MALRD1: variants seen among roughly 807,000 people sequenced by gnomAD.
MALRD1 encodes MAM and LDL receptor class A domain containing 1, also known as MAM and LDL-receptor class A domain-containing protein 1.
In MALRD1, 247 loss-of-function variants were observed where a neutral mutation model predicts 242.1. That is an observed-to-expected ratio of 1.02 (90% CI 0.92 to 1.13). The LOEUF (loss-of-function observed/expected upper bound fraction) is 1.13. MALRD1 is among the 50% of genes most tolerant of loss of function. MALRD1 has a pLI of 0.00. For synonymous variants in MALRD1, 995 were observed against 866.6 expected (o/e 1.15, Z -2.60); for missense variants, 2,989 against 2,533.1 (o/e 1.18, Z -3.86).
chr10:19,599,336 GT>G (rs1838246730), intron 34 of MALRD1, among the ~76,000 whole-genome samples: 1 of 151,940 alleles, frequency 6.6e-6, no homozygotes, highest in Non-Finnish European at 1.5e-5. Flanking sequence ...TGAGTTCAAC[GT>G]TTAAGAACAC....
At chr10:19,526,887 T>A (rs1485781213) in intron 31 of MALRD1, among the ~76,000 whole-genome samples, 2 of 152,166 alleles carry the variant, frequency 1.3e-5, no homozygotes, top group African/African-American at 2.4e-5. Context: ...TAAGCTGGTT[T>A]TAGTAGTTGC....
At chr10:19,385,805 CAAAT>C (rs1045337502) in intron 26 of MALRD1, among the ~76,000 whole-genome samples, 7 of 151,920 alleles carry the variant, frequency 4.6e-5, no homozygotes, top group African/African-American at 1.7e-4. Flanking sequence ...AGTTTTCTGT[CAAAT>C]AAAGTTAGGA....
chr10:19,584,154 G>GAACAAAA (rs1328395544), intron 33 of MALRD1, among the ~76,000 whole-genome samples: 1 of 150,684 alleles, frequency 6.6e-6, no homozygotes, highest in Non-Finnish European at 1.5e-5. Context: ...TATCAATTTT[G>GAACAAAA]TTGATCCTTT....
chr10:19,208,743 T>C (rs1250751023), intron 17 of MALRD1, among the ~76,000 whole-genome samples: 1 of 152,220 alleles, frequency 6.6e-6, no homozygotes, highest in Non-Finnish European at 1.5e-5. Context: ...TCTTAACACA[T>C]GATTGTTCCC....
At chr10:19,393,783 A>G (rs1028275981) in intron 28 of MALRD1, among the ~76,000 whole-genome samples, 6 of 150,320 alleles carry the variant, frequency 4.0e-5, no homozygotes, top group Admixed American at 1.3e-4. Context: ...GATGAGTAAT[A>G]TGTATACATG....
intron 18 of MALRD1, among the ~76,000 whole-genome samples, chr10:19,237,683 T>A (rs1175324781): frequency 2.5e-5 from 3 of 120,442 alleles, no homozygotes; most frequent in South Asian, 2.3e-4. Flanking sequence ...TTATATATAA[T>A]TTATATATAA....
At chr10:19,470,245 G>GGTATTAGC (rs1836429835) in intron 29 of MALRD1, among the ~76,000 whole-genome samples, 1 of 151,900 alleles carries the variant, frequency 6.6e-6, no homozygotes, top group Non-Finnish European at 1.5e-5. Context: ...ACCTTCCAGA[G>GGTATTAGC]TCACCCATGT....
intron 36 of MALRD1, among the ~76,000 whole-genome samples, chr10:19,677,621 G>A (rs867677836): frequency 1.3e-5 from 2 of 151,774 alleles, no homozygotes; most frequent in South Asian, 2.1e-4. Context: ...GTAGGTTGTC[G>A]GTCCACTCTG....
chr10:19,265,269 A>AGTTTG (rs1204165619), intron 19 of MALRD1, among the ~76,000 whole-genome samples: 1 of 151,428 alleles, frequency 6.6e-6, no homozygotes. Flanking sequence ...TTTGGAGCTT[A>AGTTTG]GTTTGTTCTT....
At chr10:19,468,341 G>T (rs923084437) in intron 29 of MALRD1, among the ~76,000 whole-genome samples, 2 of 151,860 alleles carry the variant, frequency 1.3e-5, no homozygotes, top group African/African-American at 2.4e-5. Context: ...ATATTAAAAG[G>T]TTCTTTTAAT....
At chr10:19,128,618 A>G (rs1395801491) in intron 8 of MALRD1, among the ~76,000 whole-genome samples, 1 of 152,172 alleles carries the variant, frequency 6.6e-6, no homozygotes, top group African/African-American at 2.4e-5. Flanking sequence ...TTCAAAATTC[A>G]TGGAAGTATA....
At chr10:19,174,809 A>G (rs1324141129) in intron 13 of MALRD1, among the ~76,000 whole-genome samples, 1 of 152,068 alleles carries the variant, frequency 6.6e-6, no homozygotes, top group Non-Finnish European at 1.5e-5. Context: ...AAATATTTTA[A>G]TATGGAAATA....
At chr10:19,141,105 A>T (rs1478122708) in intron 10 of MALRD1, among the ~76,000 whole-genome samples, 2 of 152,208 alleles carry the variant, frequency 1.3e-5, no homozygotes, top group Non-Finnish European at 2.9e-5. Flanking sequence ...ATTAATACAT[A>T]TATATGCAAT....
At chr10:19,240,437 G>C (rs1223140337) in intron 18 of MALRD1, among the ~76,000 whole-genome samples, 1 of 151,964 alleles carries the variant, frequency 6.6e-6, no homozygotes, top group East Asian at 1.9e-4. Context: ...ACCTTAAAGA[G>C]AGAGAGATCA....
intron 26 of MALRD1, among the ~76,000 whole-genome samples, chr10:19,369,104 T>G (rs1763321682): frequency 6.8e-6 from 1 of 146,448 alleles, no homozygotes; most frequent in South Asian, 2.1e-4. Flanking sequence ...TATTTAAATA[T>G]ATTTATATAT....
intron 36 of MALRD1, among the ~76,000 whole-genome samples, chr10:19,624,904 G>A (rs1480934917): frequency 2.0e-5 from 3 of 150,724 alleles, no homozygotes; most frequent in Non-Finnish European, 3.0e-5. Context: ...AAAAAAGATC[G>A]GGAACATTTA....
intron 18 of MALRD1, among the ~76,000 whole-genome samples, chr10:19,236,344 A>T (rs1588745931): frequency 6.6e-6 from 1 of 152,158 alleles, no homozygotes; most frequent in Non-Finnish European, 1.5e-5. Flanking sequence ...AGCAGGTGGG[A>T]TGCTCATGTA....
At chr10:19,281,903 G>A (rs1399013776) in intron 20 of MALRD1, among the ~76,000 whole-genome samples, 2 of 150,048 alleles carry the variant, frequency 1.3e-5, no homozygotes, top group Non-Finnish European at 3.0e-5. Flanking sequence ...GAGCCTGGGA[G>A]GGGGAGCCGA....
At chr10:19,442,572 A>G (rs1589080810) in intron 28 of MALRD1, among the ~76,000 whole-genome samples, 2 of 152,124 alleles carry the variant, frequency 1.3e-5, no homozygotes, top group Admixed American at 6.5e-5. Flanking sequence ...ATCTATTGAG[A>G]TAATCATGTG....
Sources: allele counts gnomAD v4.1 joint callset (sites outside exome capture counted in the v4.1 genomes callset), GRCh38; gene constraint gnomAD v4.1.1; transcripts MANE v1.5; gene names NCBI Gene and HGNC (gene_info 2026-07-23, HGNC 2026-07-21).